Variants in SH3PXD2B observed in about 807,000 individuals in gnomAD.
SH3PXD2B encodes the protein SH3 and PX domain-containing protein 2B.
A neutral mutation model predicts 73.1 loss-of-function variants in SH3PXD2B; 37 were observed. The observed-to-expected ratio is 0.51, with a 90% CI of 0.39 to 0.67. SH3PXD2B has a LOEUF of 0.67. SH3PXD2B is among the 30% of genes least tolerant of loss of function. The pLI, the probability that SH3PXD2B is intolerant of heterozygous loss-of-function variation, is 0.00. For synonymous variants in SH3PXD2B, 457 were observed against 480.5 expected (o/e 0.95, Z 0.64); for missense variants, 1,053 against 1,197.8 (o/e 0.88, Z 1.78).
chr5:172,327,102 C>T (rs1462637676), intron 12 of SH3PXD2B, among the ~76,000 whole-genome samples: 6 of 152,046 alleles, frequency 3.9e-5, no homozygotes, highest in African/African-American at 7.2e-5. Flanking sequence ...TCAGGTGATC[C>T]GCCCGCCACG....
Position 172,333,639 on chromosome 5 carries a change from T to A in SH3PXD2B, c.*4730A>T, listed in dbSNP as rs1236420633. On this transcript the variant is annotated 3_prime_UTR_variant, in exon 13 of 13. Transcript: ENST00000311601. Reference sequence around the variant, plus strand: ...CCTCCCCTCACATCCTATATACTCATTTATTTAATGTGTTAAAGGAAACAA... The same window carrying A: ...CCTCCCCTCACATCCTATATACTCAATTATTTAATGTGTTAAAGGAAACAA... 215 of 1,289,040 alleles carry A rather than the reference T, an allele frequency of 1.7e-4. 2 individuals are homozygous for A. Among genetic ancestry groups the A allele is most frequent in the Non-Finnish European group, 2.4e-5 (24 of 988,792 alleles). 79.9% of individuals were successfully genotyped at this position (1,289,040 alleles called of 1,614,324 possible).
At position 172,353,808 on chromosome 5, in the gene SH3PXD2B, G is replaced by T; in HGVS notation, c.785+80C>A. ...TGCAATCACTTACCGACCTCTGTGA[G>T]GCCAGAGTCCCTGTGACCCCAAACC... is the stretch of plus-strand genomic sequence containing the variant. On this transcript the variant is annotated intron_variant, in intron 9 of 12. Coordinates refer to ENST00000311601, the MANE Select transcript of SH3PXD2B (RefSeq NM_001017995.3). The surrounding 1 kb of genome is among the most constrained non-coding windows in gnomAD (Gnocchi z 4.3). 9.2e-7 allele frequency: 1 copy of T among 1,085,458 alleles called. No individual in the cohort carries two copies. The highest frequency in any genetic ancestry group is 1.4e-6 in the Non-Finnish European group (1 of 699,336). 67.2% of individuals were successfully genotyped at this position (1,085,458 alleles called of 1,614,324 possible). A position where few individuals can be genotyped will look rare whatever the true frequency, so the allele number is the denominator to read the frequency against.
rs775192820 is a variant in SH3PXD2B at position 172,353,474 on chromosome 5, G to A, written c.785+414C>T. ...CTTTTACCATTGGACTTTGAGAGAC[G>A]AGGGCAGATTATCAGCCTAGGACGA... On this transcript the variant is annotated intron_variant, in intron 9 of 12. Coordinates refer to ENST00000311601, the MANE Select transcript of SH3PXD2B (RefSeq NM_001017995.3). This position sits in a 1 kb window ranked among gnomAD's most constrained non-coding sequence, Gnocchi z 4.3. Among the ~76,000 whole-genome samples, 64 of 152,178 alleles carry A rather than the reference G, an allele frequency of 4.2e-4. No individual in the cohort carries two copies. Among genetic ancestry groups the A allele is most frequent in the African/African-American group, 1.5e-3 (61 of 41,452 alleles).
rs1025146360 is a variant in SH3PXD2B at position 172,421,716 on chromosome 5, G to A, written c.156+700C>T. ...GAGTGTGTGGGGAGGGCAAAGGCCT[G>A]TGGAGAGAGGCCAAGGTGAGGCAGG... On this transcript the variant is annotated intron_variant, in intron 2 of 12. Coordinates refer to ENST00000311601, the MANE Select transcript of SH3PXD2B (RefSeq NM_001017995.3). This position sits in a 1 kb window ranked among gnomAD's most constrained non-coding sequence, Gnocchi z 4.0. 6.6e-5 allele frequency among the ~76,000 whole-genome samples: 10 copies of A among 152,208 alleles called. No homozygotes were observed. The highest frequency in any genetic ancestry group is 1.5e-4 in the Non-Finnish European group (10 of 68,034).
At chr5:172,384,807 CT>C in intron 4 of SH3PXD2B, among the ~76,000 whole-genome samples, 1 of 152,210 alleles carries the variant, frequency 6.6e-6, no homozygotes, top group East Asian at 1.9e-4. Flanking sequence ...CAGGCTCTAA[CT>C]TTAAGTCCCC....
In SH3PXD2B at chr5:172,353,782, A is replaced by T. The variant is rs1561899807; in HGVS notation, c.785+106T>A. On this transcript the variant is annotated intron_variant, in intron 9 of 12. Transcript: ENST00000311601. This position sits in a 1 kb window ranked among gnomAD's most constrained non-coding sequence, Gnocchi z 4.3. ...TGGTTCAGGCGGAAACTTCGCCCAGATGCAATCACTTACCGACCTCTGTGA... is the reference window on the plus strand; with the variant it reads ...TGGTTCAGGCGGAAACTTCGCCCAGTTGCAATCACTTACCGACCTCTGTGA... The T allele has an allele frequency of 6.8e-6, 6 of 878,824 alleles. No homozygotes were observed. The East Asian group carries it at 7.2e-5, about 11-fold the overall frequency. The allele number at this position is 878,824 out of a possible 1,614,324, so 54.4% of individuals were successfully genotyped here.
At position 172,346,351 on chromosome 5, in the gene SH3PXD2B, A is replaced by C. The variant is rs916033773; in HGVS notation, c.1063-90T>G. On this transcript the variant is annotated intron_variant, in intron 11 of 12. Transcript: ENST00000311601. Reference sequence around the variant, plus strand: ...GGAGTCTAAGGGCCTGGGGCATGCAATCACCCTTAAGGGGGTGCTGGGGAC... The same window carrying C: ...GGAGTCTAAGGGCCTGGGGCATGCACTCACCCTTAAGGGGGTGCTGGGGAC... 23 of 1,595,042 alleles carry C rather than the reference A, an allele frequency of 1.4e-5. 1 individual carries two copies. The highest frequency in any genetic ancestry group is 6.7e-5 in the Admixed American group (4 of 59,830).
At chr5:172,342,744 G>C (rs781020853) in intron 12 of SH3PXD2B, among the ~76,000 whole-genome samples, 25 of 152,090 alleles carry the variant, frequency 1.6e-4, no homozygotes, top group African/African-American at 5.8e-4. Context: ...CTGGGCGACA[G>C]AGCAAGACTC....
intron 1 of SH3PXD2B, among the ~76,000 whole-genome samples, chr5:172,444,885 G>A (rs188098820): frequency 6.6e-6 from 1 of 151,794 alleles, no homozygotes; most frequent in Admixed American, 6.6e-5. Flanking sequence ...TGGCCTTCCT[G>A]GGGGGGGACC....
At chr5:172,407,950 A>C (rs1360175122) in intron 2 of SH3PXD2B, among the ~76,000 whole-genome samples, 1 of 152,196 alleles carries the variant, frequency 6.6e-6, no homozygotes, top group Non-Finnish European at 1.5e-5. Flanking sequence ...CTTTATCATC[A>C]AATCACCTCG....
At chr5:172,400,706 T>C (rs1433696742) in intron 3 of SH3PXD2B, among the ~76,000 whole-genome samples, 1 of 152,246 alleles carries the variant, frequency 6.6e-6, no homozygotes, top group Non-Finnish European at 1.5e-5. Flanking sequence ...GTGTTAAGCT[T>C]CCTTACATGC....
intron 8 of SH3PXD2B, among the ~76,000 whole-genome samples, chr5:172,355,524 A>G (rs1278806427): frequency 6.7e-6 from 1 of 150,050 alleles, no homozygotes. Flanking sequence ...CCTTCAGCTG[A>G]GTTGCATGGA....
intron 2 of SH3PXD2B, among the ~76,000 whole-genome samples, chr5:172,411,613 G>A (rs911792062): frequency 7.2e-5 from 11 of 152,178 alleles, no homozygotes; most frequent in Admixed American, 2.6e-4. Context: ...CTGTTTGGCC[G>A]TCTGCAGGAT....
At chr5:172,348,504 A>G (rs1757045421) in intron 10 of SH3PXD2B, among the ~76,000 whole-genome samples, 1 of 152,162 alleles carries the variant, frequency 6.6e-6, no homozygotes, top group Admixed American at 6.5e-5. Flanking sequence ...AACCCTGAAC[A>G]TATACACAGA....
chr5:172,370,996 G>A (rs1032278789), intron 6 of SH3PXD2B, among the ~76,000 whole-genome samples: 1 of 152,172 alleles, frequency 6.6e-6, no homozygotes, highest in Non-Finnish European at 1.5e-5. Context: ...TTGTGGCCCA[G>A]CAGGAAATAT....
chr5:172,411,873 A>G (rs1253486070), intron 2 of SH3PXD2B, among the ~76,000 whole-genome samples: 1 of 152,106 alleles, frequency 6.6e-6, no homozygotes, highest in Non-Finnish European at 1.5e-5. Flanking sequence ...TGTACAGTTC[A>G]GTGGCATTCA....
At chr5:172,430,602 T>C (rs562334404) in intron 1 of SH3PXD2B, among the ~76,000 whole-genome samples, 1 of 152,272 alleles carries the variant, frequency 6.6e-6, no homozygotes, top group African/African-American at 2.4e-5. Flanking sequence ...TTTCCTGGCT[T>C]TCCTCCTCCA....
rs1478058159 is a variant in SH3PXD2B, at chr5:172,338,976, T to C, written c.2129A>G (p.Gln710Arg). ...FLPGEGPGRAQDRTGKQDGLS... is the reference protein window; with the variant it reads ...FLPGEGPGRARDRTGKQDGLS... ...ACCATCCTGTTTGCCCGTCCTGTCC[T>C]GGGCGCGGCCAGGCCCCTCTCCTGG... The change falls in exon 13 of 13, where the codon CAG becomes CGG. Residue 710 changes from glutamine (Q) to arginine (R), a missense_variant. Physicochemically the swap from Gln to Arg is conservative, Grantham distance 43. Transcript: ENST00000311601. The surrounding 1 kb of genome is among the most constrained non-coding windows in gnomAD (Gnocchi z 5.1). The C allele has an allele frequency of 6.2e-7, 1 of 1,613,996 alleles. No homozygotes were observed. Among genetic ancestry groups the C allele is most frequent in the African/African-American group, 1.3e-5 (1 of 74,940 alleles).
intron 3 of SH3PXD2B, among the ~76,000 whole-genome samples, chr5:172,396,267 A>C (rs1411109103): frequency 6.6e-6 from 1 of 151,068 alleles, no homozygotes; most frequent in African/African-American, 2.4e-5. Flanking sequence ...CCAGCTACTC[A>C]GGAAGCTAAG....
Sources: gnomAD v4.1 joint callset for allele counts (sites outside exome capture counted in the v4.1 genomes callset) on GRCh38, gnomAD v4.1.1 for gene constraint, Gnocchi (gnomAD v3.1) non-coding constraint, MANE v1.5 for transcripts, NCBI Gene and HGNC (gene_info 2026-07-23, HGNC 2026-07-21) for gene names.